The following LRRC20 variants were observed in gnomAD, a reference collection of about 807,000 sequenced individuals.
LRRC20 encodes the protein leucine rich repeat containing 20.
Under a neutral mutation model 14.4 loss-of-function variants are expected in LRRC20, and 11 were observed. The ratio of observed to expected loss-of-function variants is 0.77; its 90% confidence interval spans 0.48 to 1.27. The LOEUF is 1.27. Among genes scored for constraint, LRRC20 ranks in the 50% most tolerant of loss-of-function variants. The pLI is 0.00. For synonymous variants in LRRC20, 121 were observed against 107.3 expected (o/e 1.13, Z -0.79); for missense variants, 219 against 251.2 (o/e 0.87, Z 0.87).
In LRRC20 at chr10:70,338,624, T is replaced by A. The variant is rs148584592; in HGVS notation, c.232+1929A>T. The stretch of plus-strand genomic sequence containing the variant: ...CATCCACGTGTAATGTGTTTTTGCA[T>A]GGATGTATGGTTTTGTTTTTTTGGT... On this transcript the variant is annotated intron_variant, in intron 3 of 4. Transcript: ENST00000446961. Among the ~76,000 whole-genome samples the A allele has an allele frequency of 3.3e-3, 509 of 152,318 alleles. 4 individuals are homozygous for A. Among genetic ancestry groups the A allele is most frequent in the Non-Finnish European group, 4.5e-3 (303 of 68,024 alleles).
At chr10:70,329,159 G>A (rs772661308) in intron 3 of LRRC20, among the ~76,000 whole-genome samples, 4 of 152,156 alleles carry the variant, frequency 2.6e-5, no homozygotes, top group Non-Finnish European at 5.9e-5. Flanking sequence ...GCGGGAAATC[G>A]TGGCAATGAG....
intron 2 of LRRC20, among the ~76,000 whole-genome samples, chr10:70,346,268 T>C (rs1187549859): frequency 1.3e-5 from 2 of 151,852 alleles, no homozygotes; most frequent in African/African-American, 4.8e-5. Flanking sequence ...TAAAATAAAT[T>C]TGCTTGACGT....
At chr10:70,353,694 T>A (rs570551994) in intron 2 of LRRC20, among the ~76,000 whole-genome samples, 1 of 152,278 alleles carries the variant, frequency 6.6e-6, no homozygotes, top group Admixed American at 6.5e-5. Context: ...ATTCCTGTTG[T>A]ACAGAGGAGG....
chr10:70,303,812 T>C (rs1841303409), intron 4 of LRRC20, among the ~76,000 whole-genome samples: 1 of 152,200 alleles, frequency 6.6e-6, no homozygotes, highest in South Asian at 2.1e-4. Context: ...TTCCTAATCT[T>C]GAAAATGGAC....
intron 3 of LRRC20, among the ~76,000 whole-genome samples, chr10:70,325,575 G>C (rs1312458438): frequency 1.3e-5 from 2 of 152,188 alleles, no homozygotes; most frequent in South Asian, 4.1e-4. Context: ...AGGTCCTGAC[G>C]AACAGGTTTA....
intron 2 of LRRC20, among the ~76,000 whole-genome samples, chr10:70,352,972 C>G (rs1008370263): frequency 2.0e-5 from 3 of 152,230 alleles, no homozygotes; most frequent in African/African-American, 4.8e-5. Context: ...CAAAAACATC[C>G]CCAGAAACTT....
At chr10:70,363,077 T>A (rs1843810659) in intron 2 of LRRC20, among the ~76,000 whole-genome samples, 1 of 149,748 alleles carries the variant, frequency 6.7e-6, no homozygotes, top group Admixed American at 6.7e-5. Context: ...TCGAGACTAG[T>A]CTGGGCAAGA....
chr10:70,378,838 C>T (rs185717250), intron 1 of LRRC20, among the ~76,000 whole-genome samples: 1 of 150,162 alleles, frequency 6.7e-6, no homozygotes, highest in Non-Finnish European at 1.5e-5. Context: ...CCCAGCTACT[C>T]AGGAGGCTGA....
intron 4 of LRRC20, among the ~76,000 whole-genome samples, chr10:70,311,911 T>G (rs1406690270): frequency 6.6e-6 from 1 of 152,186 alleles, no homozygotes; most frequent in African/African-American, 2.4e-5. Flanking sequence ...CAAAATTACT[T>G]CCCTGAGGTC....
chr10:70,311,222 A>ATTTTTTTTTTTTTTTTTT lies in LRRC20; in HGVS notation c.401-9732_401-9715dup, dbSNP rs11314061. Among the ~76,000 whole-genome samples, 26 of 86,342 alleles carry ATTTTTTTTTTTTTTTTTT rather than the reference A, an allele frequency of 3.0e-4. 1 individual carries two copies. The highest frequency in any genetic ancestry group is 4.0e-4 in the East Asian group (1 of 2,506). The allele number at this position is 86,342 out of a possible 152,430, so 56.6% of individuals were successfully genotyped here. ...ACATCCAGGTTGTTTTCAACATTCC[A>ATTTTTTTTTTTTTTTTTT]TTTTTTTTTTTTTTTTTTTTTTTTG... On this transcript the variant is annotated intron_variant, in intron 4 of 4. Transcript: ENST00000446961.
rs11314061 is a variant in LRRC20 at position 70,311,222 on chromosome 10, A to ATTTTTTTTTTTTT, written c.401-9727_401-9715dup. The stretch of plus-strand genomic sequence containing the variant: ...ACATCCAGGTTGTTTTCAACATTCC[A>ATTTTTTTTTTTTT]TTTTTTTTTTTTTTTTTTTTTTTTG... On this transcript the variant is annotated intron_variant, in intron 4 of 4. Coordinates refer to ENST00000446961, the MANE Select transcript of LRRC20 (RefSeq NM_001278212.2). Among the ~76,000 whole-genome samples the ATTTTTTTTTTTTT allele has an allele frequency of 5.5e-3, 475 of 86,300 alleles. 22 individuals are homozygous for ATTTTTTTTTTTTT. The highest frequency in any genetic ancestry group is 0.02 in the East Asian group (49 of 2,496). The allele number at this position is 86,300 out of a possible 152,430, so 56.6% of individuals were successfully genotyped here.
At chr10:70,336,920 G>T (rs1438612209) in intron 3 of LRRC20, among the ~76,000 whole-genome samples, 1 of 152,220 alleles carries the variant, frequency 6.6e-6, no homozygotes, top group African/African-American at 2.4e-5. Flanking sequence ...AAGAGCCACA[G>T]CAGGACATGG....
chr10:70,316,278 G>A (rs1449777635), intron 4 of LRRC20, among the ~76,000 whole-genome samples: 5 of 152,102 alleles, frequency 3.3e-5, no homozygotes, highest in Non-Finnish European at 7.4e-5. Context: ...GACTACAGGT[G>A]CATGCCACCA....
chr10:70,317,770 C>T (rs1351379387), intron 4 of LRRC20, among the ~76,000 whole-genome samples: 1 of 152,200 alleles, frequency 6.6e-6, no homozygotes, highest in African/African-American at 2.4e-5. Flanking sequence ...GTTCAATCTG[C>T]CTCGTGAGCC....
At chr10:70,335,884 C>A (rs1358731798) in intron 3 of LRRC20, among the ~76,000 whole-genome samples, 3 of 152,218 alleles carry the variant, frequency 2.0e-5, no homozygotes, top group Non-Finnish European at 2.9e-5. Context: ...TAAGCCATTT[C>A]CTCTGGAGGC....
chr10:70,338,971 A>G (rs2137011744), intron 3 of LRRC20, among the ~76,000 whole-genome samples: 1 of 151,752 alleles, frequency 6.6e-6, no homozygotes, highest in South Asian at 2.1e-4. Flanking sequence ...ACGTGGACAT[A>G]TGTTTTTACA....
chr10:70,372,882 C>T (rs56396627), intron 2 of LRRC20, among the ~76,000 whole-genome samples: 146,475 of 151,384 alleles, frequency 0.97, 71,030 homozygotes, highest in Non-Finnish European at 1. Context: ...GCAGGTAGAT[C>T]GCTTGAGGCC....
intron 1 of LRRC20, among the ~76,000 whole-genome samples, chr10:70,379,946 G>A (rs1844647256): frequency 1.3e-5 from 2 of 152,190 alleles, no homozygotes; most frequent in Non-Finnish European, 2.9e-5. Context: ...GTTCGCAATA[G>A]GGTTCAGGCT....
chr10:70,323,178 C>A (rs555773668), intron 4 of LRRC20, among the ~76,000 whole-genome samples: 2 of 152,052 alleles, frequency 1.3e-5, no homozygotes, highest in South Asian at 4.2e-4. Flanking sequence ...GAGACCCCAC[C>A]CAGTGCCCAG....
Sources: allele counts gnomAD v4.1 joint callset (sites outside exome capture counted in the v4.1 genomes callset), GRCh38; gene constraint gnomAD v4.1.1; transcripts MANE v1.5; gene names NCBI Gene and HGNC (gene_info 2026-07-23, HGNC 2026-07-21).